The following PVT1 variants were observed in gnomAD, a reference collection of about 807,000 sequenced individuals.
PVT1 encodes Pvt1 oncogene, also known as CXCR4/PVT1 fusion.
chr8:128,009,308 A>C (rs1159305473), intron 4 of PVT1, among the ~76,000 whole-genome samples: 1 of 152,212 alleles, frequency 6.6e-6, no homozygotes, highest in Non-Finnish European at 1.5e-5. Flanking sequence ...ATCACATAAC[A>C]AAATATCTCT....
chr8:127,978,137 G>A (rs1276244166), intron 3 of PVT1, among the ~76,000 whole-genome samples: 1 of 143,950 alleles, frequency 6.9e-6, no homozygotes, highest in Non-Finnish European at 1.5e-5. Context: ...AGTTCTCCAT[G>A]AGTAGCTTAC....
At chr8:127,982,676 TAATAA>T (rs139026397) in intron 3 of PVT1, among the ~76,000 whole-genome samples, 6,903 of 140,936 alleles carry the variant, frequency 0.049, 530 homozygotes, top group African/African-American at 0.2. Context: ...ATTAATTAAT[TAATAA>T]AATAAATGAA....
chr8:128,069,633 C>T (rs1009860767), intron 4 of PVT1, among the ~76,000 whole-genome samples: 2 of 152,136 alleles, frequency 1.3e-5, no homozygotes, highest in Admixed American at 6.5e-5. Context: ...ATCCAGGAAG[C>T]CCCTGCTACG....
chr8:127,926,112 C>T (rs1309231946), intron 3 of PVT1, among the ~76,000 whole-genome samples: 4 of 152,160 alleles, frequency 2.6e-5, no homozygotes, highest in African/African-American at 9.7e-5. Context: ...TGGTCTCTGG[C>T]CGGCTCTCTT....
intron 3 of PVT1, among the ~76,000 whole-genome samples, chr8:127,979,394 A>G (rs1278199009): frequency 6.6e-6 from 1 of 152,176 alleles, no homozygotes; most frequent in African/African-American, 2.4e-5. Flanking sequence ...TTGCTATGAT[A>G]TGTTTGCCCT....
intron 4 of PVT1, among the ~76,000 whole-genome samples, chr8:128,041,021 T>A (rs1371485236): frequency 1.0e-5 from 1 of 98,494 alleles, no homozygotes; most frequent in Non-Finnish European, 2.2e-5. Context: ...CTGTGTGCTT[T>A]GTGCTCGTGT....
chr8:127,834,979 C>T (rs759873910), intron 2 of PVT1, among the ~76,000 whole-genome samples: 21 of 152,100 alleles, frequency 1.4e-4, no homozygotes, highest in South Asian at 2.1e-4. Context: ...GAAATAGGGA[C>T]GCTTTTACAC....
intron 4 of PVT1, among the ~76,000 whole-genome samples, chr8:128,061,317 A>G: frequency 6.6e-6 from 1 of 152,228 alleles, no homozygotes; most frequent in East Asian, 1.9e-4. Context: ...CATCTAAGTT[A>G]CAACATATAC....
At chr8:127,960,475 A>G (rs9649959) in intron 3 of PVT1, among the ~76,000 whole-genome samples, 43,852 of 151,974 alleles carry the variant, frequency 0.29, 6,841 homozygotes, top group Middle Eastern at 0.34. Flanking sequence ...GATCACCGAG[A>G]GAAGTTAGGA....
intron 2 of PVT1, among the ~76,000 whole-genome samples, chr8:127,821,900 G>A (rs1416134781): frequency 2.6e-5 from 4 of 152,162 alleles, no homozygotes; most frequent in East Asian, 1.9e-4. Flanking sequence ...TGACACAAAC[G>A]GTGGACTTTA....
intron 4 of PVT1, among the ~76,000 whole-genome samples, chr8:127,998,017 A>C (rs1490480644): frequency 6.6e-6 from 1 of 152,130 alleles, no homozygotes; most frequent in African/African-American, 2.4e-5. Flanking sequence ...GGGATTATGG[A>C]GGAAGGCCAC....
At chr8:128,079,971 G>A (rs543552072) in intron 5 of PVT1, among the ~76,000 whole-genome samples, 3 of 152,114 alleles carry the variant, frequency 2.0e-5, no homozygotes, top group African/African-American at 7.2e-5. Context: ...TAATCCGCCC[G>A]CCTCGGCCTC....
chr8:127,804,087 G>A (rs913331048), intron 2 of PVT1, among the ~76,000 whole-genome samples: 6 of 151,974 alleles, frequency 3.9e-5, no homozygotes, highest in African/African-American at 1.5e-4. Flanking sequence ...TTGGTGGCAC[G>A]CACCTGTATT....
At chr8:127,892,852 CAG>C (rs1815629304) in intron 3 of PVT1, among the ~76,000 whole-genome samples, 1 of 152,140 alleles carries the variant, frequency 6.6e-6, no homozygotes, top group African/African-American at 2.4e-5. Context: ...TTGGGAAAGA[CAG>C]AGGCAGATAC....
intron 2 of PVT1, among the ~76,000 whole-genome samples, chr8:127,882,984 G>C (rs1448451391): frequency 6.6e-6 from 1 of 152,010 alleles, no homozygotes; most frequent in Non-Finnish European, 1.5e-5. Context: ...GAGAGGGAAA[G>C]AGATACACAC....
intron 2 of PVT1, among the ~76,000 whole-genome samples, chr8:127,871,589 T>A (rs1320116954): frequency 6.6e-6 from 1 of 152,104 alleles, no homozygotes; most frequent in Non-Finnish European, 1.5e-5. Context: ...GTGTAGGGCA[T>A]GACGTCAACT....
chr8:127,830,837 A>T (rs1814840484), intron 2 of PVT1, among the ~76,000 whole-genome samples: 1 of 152,078 alleles, frequency 6.6e-6, no homozygotes, highest in South Asian at 2.1e-4. Context: ...CAGGCAGAAA[A>T]ACATGAAAAT....
chr8:128,020,236 A>G (rs189828820), intron 4 of PVT1, among the ~76,000 whole-genome samples: 3 of 152,352 alleles, frequency 2.0e-5, no homozygotes, highest in African/African-American at 4.8e-5. Flanking sequence ...TGTTATGCCT[A>G]TGAATGAATA....
intron 4 of PVT1, among the ~76,000 whole-genome samples, chr8:127,999,839 A>C (rs1817154958): frequency 6.6e-6 from 1 of 152,216 alleles, no homozygotes; most frequent in Non-Finnish European, 1.5e-5. Flanking sequence ...GAGATGTTGG[A>C]AAGTTCACGT....
Sources: allele counts gnomAD v4.1 joint callset (sites outside exome capture counted in the v4.1 genomes callset), GRCh38; gene constraint gnomAD v4.1.1; transcripts MANE v1.5; gene names NCBI Gene and HGNC (gene_info 2026-07-23, HGNC 2026-07-21).